CHSY3: variants seen among roughly 807,000 people sequenced by gnomAD.
CHSY3 encodes the protein N-acetylgalactosaminyl-proteoglycan 3-beta-glucuronosyltransferase 3.
CHSY3 carries 35 observed loss-of-function variants against 67.2 expected under a neutral mutation model. The observed-to-expected ratio is 0.52, with a 90% confidence interval of 0.40 to 0.69. CHSY3 has a LOEUF of 0.69. Among genes scored for constraint, CHSY3 ranks in the 30% least tolerant of loss-of-function variants. The pLI, the probability that CHSY3 is intolerant of heterozygous loss-of-function variation, is 0.00. For missense variants in CHSY3, 1,069 were observed against 1,138.5 expected, an observed-to-expected ratio of 0.94 and a Z score of 0.88; for synonymous variants, 474 against 434.7, an observed-to-expected ratio of 1.09 and a Z score of -1.12.
chr5:129,925,476 G>A (rs527827930), intron 2 of CHSY3, among the ~76,000 whole-genome samples: 1 of 152,130 alleles, frequency 6.6e-6, no homozygotes, highest in African/African-American at 2.4e-5. Flanking sequence ...AAATTTCTGT[G>A]GTGTACAACG....
At chr5:130,057,172 C>T (rs1342562021) in intron 2 of CHSY3, among the ~76,000 whole-genome samples, 2 of 151,866 alleles carry the variant, frequency 1.3e-5, no homozygotes, top group African/African-American at 2.4e-5. Flanking sequence ...GATCCACCCA[C>T]CTCAGCCTCC....
chr5:130,175,825 C>A (rs900247203), intron 2 of CHSY3, among the ~76,000 whole-genome samples: 1 of 152,074 alleles, frequency 6.6e-6, no homozygotes, highest in Non-Finnish European at 1.5e-5. Flanking sequence ...GAAACTGGAC[C>A]CCTTCCTTAC....
chr5:129,904,543 TG>T lies in CHSY3; in HGVS notation c.-286del. ...CTCCTCCTCCTGCAGCTCCTCCAGC[TG>T]CCGCTGCTGCCGCCGCTGCCGCCAC... is the stretch of plus-strand genomic sequence containing the variant. On this transcript the variant is annotated 5_prime_UTR_variant, in exon 1 of 3. Transcript: ENST00000305031. 2.9e-6 allele frequency: 1 copy of T among 339,480 alleles called. No homozygotes were observed. The allele number at this position is 339,480 out of a possible 1,614,324, so 21.0% of individuals were successfully genotyped here. A position where few individuals can be genotyped will look rare whatever the true frequency, so the allele number is the denominator to read the frequency against.
intron 2 of CHSY3, among the ~76,000 whole-genome samples, chr5:130,171,466 C>T (rs1335110805): frequency 6.6e-6 from 1 of 152,126 alleles, no homozygotes; most frequent in Non-Finnish European, 1.5e-5. Flanking sequence ...GATTTTTAAT[C>T]TCTTTGGTAT....
chr5:130,139,443 G>C (rs1246500414), intron 2 of CHSY3, among the ~76,000 whole-genome samples: 1 of 152,196 alleles, frequency 6.6e-6, no homozygotes, highest in Non-Finnish European at 1.5e-5. Context: ...CTCCAGATTA[G>C]AGTATGTATG....
chr5:130,156,320 T>C (rs1769374427), intron 2 of CHSY3, among the ~76,000 whole-genome samples: 1 of 152,214 alleles, frequency 6.6e-6, no homozygotes, highest in Admixed American at 6.5e-5. Flanking sequence ...TCCCCCATTT[T>C]GTGCAAGGCA....
At chr5:130,007,364 A>G (rs73785849) in intron 2 of CHSY3, among the ~76,000 whole-genome samples, 3,262 of 152,214 alleles carry the variant, frequency 0.021, 108 homozygotes, top group African/African-American at 0.074. Flanking sequence ...AGGCCGGACC[A>G]TCAAAAAGAT....
intron 2 of CHSY3, among the ~76,000 whole-genome samples, chr5:129,922,906 T>C (rs115435294): frequency 0.011 from 1,707 of 152,328 alleles, 39 homozygotes; most frequent in African/African-American, 0.038. Flanking sequence ...AAAATCTTTC[T>C]GGATGATTCT....
chr5:130,100,890 C>T (rs1163499347), intron 2 of CHSY3, among the ~76,000 whole-genome samples: 1 of 152,180 alleles, frequency 6.6e-6, no homozygotes, highest in East Asian at 1.9e-4. Context: ...TTGATCTAAT[C>T]AAACATAAAC....
intron 2 of CHSY3, among the ~76,000 whole-genome samples, chr5:130,088,717 A>C (rs1042168216): frequency 6.6e-6 from 1 of 152,144 alleles, no homozygotes; most frequent in Non-Finnish European, 1.5e-5. Context: ...AAAAGTCAGG[A>C]AACAACAGGT....
chr5:130,055,364 A>G (rs1250536887), intron 2 of CHSY3, among the ~76,000 whole-genome samples: 1 of 151,536 alleles, frequency 6.6e-6, no homozygotes, highest in African/African-American at 2.4e-5. Context: ...TTTATTTCAT[A>G]GTTTATGATA....
At position 130,117,984 on chromosome 5, in the gene CHSY3, G is replaced by A. The variant is rs189856896; in HGVS notation, c.1087-66245G>A. ...TTAGCACCATCCCTTCGGTTAGTGA[G>A]TTAGCACTCTGAGTTCCTGTGAGAT... On this transcript the variant is annotated intron_variant, in intron 2 of 2. Coordinates refer to ENST00000305031, the MANE Select transcript of CHSY3 (RefSeq NM_175856.5). Among the ~76,000 whole-genome samples, 418 of 152,266 alleles carry A rather than the reference G, an allele frequency of 2.7e-3. 4 individuals are homozygous for A. In the Middle Eastern group the frequency reaches 0.031, roughly 11 times the overall value.
At chr5:129,965,961 C>G (rs1762457763) in intron 2 of CHSY3, among the ~76,000 whole-genome samples, 2 of 151,838 alleles carry the variant, frequency 1.3e-5, no homozygotes, top group Admixed American at 1.3e-4. Context: ...TCCACAGATT[C>G]TGGGTTCTGT....
At chr5:130,056,918 C>CTTTTTTTTTTTTTTTTTTTTTTTTTTTTT (rs58326964) in intron 2 of CHSY3, among the ~76,000 whole-genome samples, 2 of 56,114 alleles carry the variant, frequency 3.6e-5, no homozygotes, top group Middle Eastern at 0.018. Flanking sequence ...GCATTTCTTT[C>CTTTTTTTTTTTTTTTTTTTTTTTTTTTTT]TTTTTTTTTT....
chr5:130,145,066 A>G (rs778379248), intron 2 of CHSY3, among the ~76,000 whole-genome samples: 5 of 152,134 alleles, frequency 3.3e-5, no homozygotes, highest in Non-Finnish European at 5.9e-5. Context: ...CCCACTCACT[A>G]TCATGAGAAC....
chr5:130,132,437 AATAAGT>A (rs146304118), intron 2 of CHSY3, among the ~76,000 whole-genome samples: 6,860 of 152,288 alleles, frequency 0.045, 416 homozygotes, highest in East Asian at 0.27. Context: ...AAGAAGAAAT[AATAAGT>A]ATAACAAAAA....
At chr5:129,951,810 G>A (rs1459119170) in intron 2 of CHSY3, among the ~76,000 whole-genome samples, 1 of 152,180 alleles carries the variant, frequency 6.6e-6, no homozygotes, top group Non-Finnish European at 1.5e-5. Flanking sequence ...TGAATTGAAA[G>A]GCAGACTTCT....
intron 2 of CHSY3, among the ~76,000 whole-genome samples, chr5:129,991,970 A>G (rs756909074): frequency 5.9e-5 from 9 of 152,196 alleles, no homozygotes; most frequent in African/African-American, 9.6e-5. Flanking sequence ...GGCTCATCCT[A>G]TAATACAAAC....
At chr5:130,009,424 A>G (rs994927793) in intron 2 of CHSY3, among the ~76,000 whole-genome samples, 4 of 152,090 alleles carry the variant, frequency 2.6e-5, no homozygotes, top group Non-Finnish European at 5.9e-5. Flanking sequence ...TGCTAAGAGA[A>G]TTCATTACCA....
Sources: allele counts gnomAD v4.1 joint callset (sites outside exome capture counted in the v4.1 genomes callset), GRCh38; gene constraint gnomAD v4.1.1; transcripts MANE v1.5; gene names NCBI Gene and HGNC (gene_info 2026-07-23, HGNC 2026-07-21).